The following ACTN4 variants were observed in gnomAD, a reference collection of about 807,000 sequenced individuals.
ACTN4 encodes the protein actinin alpha 4.
In ACTN4, 18 loss-of-function variants were observed where a neutral mutation model predicts 114.2. That is an observed-to-expected ratio of 0.16 (90% CI 0.11 to 0.23). The LOEUF (loss-of-function observed/expected upper bound fraction) is 0.23. Among genes scored for constraint, ACTN4 ranks in the 10% least tolerant of loss-of-function variants. The probability of loss-of-function intolerance (pLI) is 1.00; values close to 1 mark genes in which losing one functional copy is unlikely to be tolerated. For synonymous variants in ACTN4, 515 were observed against 506.3 expected (o/e 1.02, Z -0.23); for missense variants, 722 against 1,262.9 (o/e 0.57, Z 6.49).
At chr19:38,667,807 G>A (rs902386056) in intron 1 of ACTN4, among the ~76,000 whole-genome samples, 9 of 151,922 alleles carry the variant, frequency 5.9e-5, no homozygotes, top group Non-Finnish European at 8.8e-5. Context: ...CGTCTGGAGC[G>A]TCCCTGAAAA....
At chr19:38,676,077 G>C (rs979428154) in intron 1 of ACTN4, among the ~76,000 whole-genome samples, 4 of 152,206 alleles carry the variant, frequency 2.6e-5, no homozygotes, top group Admixed American at 6.5e-5. Context: ...GCGGGATGGA[G>C]CCTTTATAGG....
chr19:38,683,051 T>A (rs1451309626), intron 1 of ACTN4, among the ~76,000 whole-genome samples: 2 of 152,188 alleles, frequency 1.3e-5, no homozygotes, highest in Non-Finnish European at 2.9e-5. Flanking sequence ...CTCAGGATAG[T>A]GTATGGCTCG....
intron 1 of ACTN4, among the ~76,000 whole-genome samples, chr19:38,656,223 C>T (rs1976707505): frequency 6.6e-6 from 1 of 152,152 alleles, no homozygotes; most frequent in African/African-American, 2.4e-5. Context: ...AGCCATCCCC[C>T]CACCTCAGCT....
Position 38,717,338 on chromosome 19 carries a change from G to T in ACTN4, c.1143+22G>T. 1 of 1,610,862 alleles carries T rather than the reference G, an allele frequency of 6.2e-7. No homozygotes were observed. Among genetic ancestry groups the T allele is most frequent in the South Asian group, 1.1e-5 (1 of 90,682 alleles). ...CTCGGTGAGCACCAGGATTCACATGGGAGCAGCTGTGAGGGGCAGAGGCAG... is the reference window on the plus strand; with the variant it reads ...CTCGGTGAGCACCAGGATTCACATGTGAGCAGCTGTGAGGGGCAGAGGCAG... On this transcript the variant is annotated intron_variant, in intron 10 of 20. Transcript: ENST00000252699. This position sits in a 1 kb window ranked among gnomAD's most constrained non-coding sequence, Gnocchi z 4.0.
At chr19:38,702,098 C>T (rs985159706) in intron 3 of ACTN4, among the ~76,000 whole-genome samples, 4 of 152,258 alleles carry the variant, frequency 2.6e-5, no homozygotes. Context: ...TTGCATGGGT[C>T]TTTCCTCCAG....
Position 38,647,675 on chromosome 19 carries a change from G to C in ACTN4, c.-71G>C. The C allele has an allele frequency of 6.7e-7, 1 of 1,484,182 alleles. No individual in the cohort carries two copies. The highest frequency in any genetic ancestry group is 2.3e-4 in the Middle Eastern group (1 of 4,308). 91.9% of individuals were successfully genotyped at this position (1,484,182 alleles called of 1,614,324 possible). On this transcript the variant is annotated 5_prime_UTR_variant, in exon 1 of 21. Coordinates refer to ENST00000252699, the MANE Select transcript of ACTN4 (RefSeq NM_004924.6). ...AAGCAGCTGAAGCGGCGGTAGCGGC[G>C]GCGGCTCGGGCAGAGGGGCGGGAGC...
At chr19:38,726,067 G>C (rs989004599) in intron 17 of ACTN4, among the ~76,000 whole-genome samples, 164 bp downstream of exon 17, 1 of 152,218 alleles carries the variant, frequency 6.6e-6, no homozygotes, top group East Asian at 1.9e-4. Flanking sequence ...GTGGGAGGAT[G>C]GCTTGAGCCC....
rs200355599 is a variant in ACTN4 at position 38,714,517 on chromosome 19, G to A, written c.868G>A (p.Glu290Lys). The A allele has an allele frequency of 6.2e-7, 1 of 1,613,976 alleles. No homozygotes were observed. Among genetic ancestry groups the A allele is most frequent in the Non-Finnish European group, 8.5e-7 (1 of 1,180,036 alleles). The change falls in exon 9 of 21, where the codon GAG (glutamate) becomes AAG (lysine). Residue 290 changes from glutamate (E) to lysine (K), a missense_variant. Coordinates refer to ENST00000252699, the MANE Select transcript of ACTN4 (RefSeq NM_004924.6). ...RICKVLAVNQ[E>K]NEHLMEDYEK... ...CTGTAAGGTGCTGGCTGTCAACCAA[G>A]AGAACGAGCACCTGATGGAGGACTA...
chr19:38,717,725 C>T lies in ACTN4; in HGVS notation c.1144-202C>T, dbSNP rs1330931796. Among the ~76,000 whole-genome samples, 1 of 152,222 alleles carries T rather than the reference C, an allele frequency of 6.6e-6. No individual in the cohort carries two copies. Among genetic ancestry groups the T allele is most frequent in the Non-Finnish European group, 1.5e-5 (1 of 68,032 alleles). On this transcript the variant is annotated intron_variant, in intron 10 of 20. Coordinates refer to ENST00000252699, the MANE Select transcript of ACTN4 (RefSeq NM_004924.6). This position sits in a 1 kb window ranked among gnomAD's most constrained non-coding sequence, Gnocchi z 4.0. ...TCATTCATGCACTCACCCGTTCACG[C>T]ATTCATTTTGTTAATCCAGAATTGA...
At chr19:38,712,614 G>A (rs1021328262) in intron 8 of ACTN4, among the ~76,000 whole-genome samples, 1 of 152,038 alleles carries the variant, frequency 6.6e-6, no homozygotes, top group Non-Finnish European at 1.5e-5. Context: ...GGAGTGTTCT[G>A]CTAGAGGGCA....
chr19:38,731,161 G>A lies in ACTN4; in HGVS notation c.*1729G>A, dbSNP rs199558821. The A allele has an allele frequency of 3.0e-5, 49 of 1,613,094 alleles. No homozygotes were observed. Among genetic ancestry groups the A allele is most frequent in the Middle Eastern group, 3.3e-4 (2 of 6,068 alleles). ...GACACGAACCGCTCGAAGTCCACAC[G>A]CAGACGGCTATCCCGGTAGCGGCTG... On this transcript the variant is annotated 3_prime_UTR_variant, in exon 21 of 21. Transcript: ENST00000252699.
chr19:38,729,198 G>T (rs371725728), intron 20 of ACTN4, 44 bp downstream of exon 20: 2 of 1,612,688 alleles, frequency 1.2e-6, no homozygotes, highest in African/African-American at 2.7e-5. Flanking sequence ...GGCGAGAGGG[G>T]TCCCTGCAGT....
rs549782157 is a variant in ACTN4, at chr19:38,673,459, A to G, written c.162+25552A>G. On this transcript the variant is annotated intron_variant, in intron 1 of 20. Transcript: ENST00000252699. Reference sequence around the variant, plus strand: ...TTATTTTTTATATATATATATTCATATATATTTATATATATTTATATATAT... The same window carrying G: ...TTATTTTTTATATATATATATTCATGTATATTTATATATATTTATATATAT... Among the ~76,000 whole-genome samples the G allele has an allele frequency of 1.5e-4, 12 of 78,896 alleles. No individual in the cohort carries two copies. In the South Asian group the frequency reaches 3.8e-3, roughly 25 times the overall value. 51.8% of individuals were successfully genotyped at this position (78,896 alleles called of 152,430 possible).
rs1568689690 is a variant in ACTN4 at position 38,673,527 on chromosome 19, TC to T, written c.162+25621del. Among the ~76,000 whole-genome samples the T allele has an allele frequency of 5.5e-4, 55 of 100,798 alleles. 1 individual carries two copies. Among genetic ancestry groups the T allele is most frequent in the East Asian group, 1.2e-3 (5 of 4,036 alleles). The allele number at this position is 100,798 out of a possible 152,430, so 66.1% of individuals were successfully genotyped here. A position where few individuals can be genotyped will look rare whatever the true frequency, so the allele number is the denominator to read the frequency against. On this transcript the variant is annotated intron_variant, in intron 1 of 20. Transcript: ENST00000252699. The stretch of plus-strand genomic sequence containing the variant: ...TATATGAATATATATTTATATATAT[TC>T]ATATATACTTATATATATTTATATA...
chr19:38,714,755 C>T (rs541907329), intron 9 of ACTN4, among the ~76,000 whole-genome samples, 194 bp downstream of exon 9: 1 of 152,328 alleles, frequency 6.6e-6, no homozygotes, highest in East Asian at 1.9e-4. Flanking sequence ...AGGGTCAGAC[C>T]GGCAGCCACC....
chr19:38,709,507 G>GCAA (rs1968570930), intron 7 of ACTN4, 31 bp downstream of exon 7: 1 of 1,591,588 alleles, frequency 6.3e-7, no homozygotes. Flanking sequence ...AGCCACCACT[G>GCAA]TGCTTCCTGA....
In ACTN4 at chr19:38,730,793, G is replaced by A; in HGVS notation, c.*1361G>A. 3 of 1,543,154 alleles carry A rather than the reference G, an allele frequency of 1.9e-6. No homozygotes were observed. The highest frequency in any genetic ancestry group is 3.9e-5 in the Admixed American group (2 of 50,986). The stretch of plus-strand genomic sequence containing the variant: ...TGGCACCCATGCCAGGCAAGGCCTA[G>A]GGAGGTGGTCTTGCTCAGCAACCCT... On this transcript the variant is annotated 3_prime_UTR_variant, in exon 21 of 21. Coordinates refer to ENST00000252699, the MANE Select transcript of ACTN4 (RefSeq NM_004924.6).
chr19:38,713,514 G>C (rs1968733008), intron 8 of ACTN4, among the ~76,000 whole-genome samples: 1 of 152,186 alleles, frequency 6.6e-6, no homozygotes, highest in Non-Finnish European at 1.5e-5. Context: ...ACCGCCTGGG[G>C]CCCTGGGTGT....
At chr19:38,672,543 G>T (rs1450642492) in intron 1 of ACTN4, among the ~76,000 whole-genome samples, 1 of 150,588 alleles carries the variant, frequency 6.6e-6, no homozygotes, top group African/African-American at 2.4e-5. Context: ...ACCCTGCCAA[G>T]GTTCTATTAT....
Sources: gnomAD v4.1 joint callset for allele counts (sites outside exome capture counted in the v4.1 genomes callset) on GRCh38, gnomAD v4.1.1 for gene constraint, Gnocchi (gnomAD v3.1) non-coding constraint, MANE v1.5 for transcripts, NCBI Gene and HGNC (gene_info 2026-07-23, HGNC 2026-07-21) for gene names.